Variants in RBFOX1 observed in about 807,000 individuals in gnomAD.
The protein encoded by RBFOX1 is RNA binding fox-1 homolog 1, also known as RNA binding protein fox-1 homolog 1.
Under a neutral mutation model 57.7 loss-of-function variants are expected in RBFOX1, and 8 were observed. The ratio of observed to expected loss-of-function variants is 0.14; its 90% confidence interval spans 0.08 to 0.25. The LOEUF (loss-of-function observed/expected upper bound fraction) is 0.25. Among genes scored for constraint, RBFOX1 ranks in the 10% least tolerant of loss-of-function variants. RBFOX1 has a pLI of 1.00. For synonymous variants in RBFOX1, 326 were observed against 222.4 expected, an observed-to-expected ratio of 1.47 and a Z score of -4.15; for missense variants, 611 against 548.5, an observed-to-expected ratio of 1.11 and a Z score of -1.14.
At chr16:5,783,024 A>T (rs976188271) in intron 3 of RBFOX1, among the ~76,000 whole-genome samples, 22 of 152,136 alleles carry the variant, frequency 1.4e-4, no homozygotes, top group Admixed American at 1.4e-3. Context: ...CATCCCCCCA[A>T]ACACCCTCAT....
Position 5,250,527 on chromosome 16 carries a change from G to C in RBFOX1, c.219+10422G>C, listed in dbSNP as rs187653158. Among the ~76,000 whole-genome samples the C allele has an allele frequency of 5.3e-4, 81 of 152,210 alleles. 1 individual carries two copies. The East Asian group carries it at 0.013, about 24-fold the overall frequency. On this transcript the variant is annotated intron_variant, in intron 1 of 2. Transcript: ENST00000585867. ...TATGAGTGAGAACACACAGTGTTTG[G>C]TTTTCTGTTCCTGTCCACACCTTTT... is the stretch of plus-strand genomic sequence containing the variant.
intron 3 of RBFOX1, among the ~76,000 whole-genome samples, chr16:5,609,274 G>T (rs909895047): frequency 6.6e-6 from 1 of 152,170 alleles, no homozygotes; most frequent in African/African-American, 2.4e-5. Context: ...TCATTTTACA[G>T]AAAGGAGAGC....
At chr16:7,303,422 C>T (rs746413991) in intron 4 of RBFOX1, among the ~76,000 whole-genome samples, 1 of 152,144 alleles carries the variant, frequency 6.6e-6, no homozygotes, top group African/African-American at 2.4e-5. Context: ...CCGCCACCAA[C>T]ATCTACCACT....
intron 1 of RBFOX1, among the ~76,000 whole-genome samples, chr16:6,134,766 C>T (rs1000322040): frequency 6.6e-6 from 1 of 151,760 alleles, no homozygotes; most frequent in Non-Finnish European, 1.5e-5. Context: ...CAATCTCCGC[C>T]TCCCGGGTTC....
At chr16:6,250,726 G>A (rs566472337) in intron 1 of RBFOX1, among the ~76,000 whole-genome samples, 5 of 152,190 alleles carry the variant, frequency 3.3e-5, no homozygotes, top group African/African-American at 9.6e-5. Flanking sequence ...AAACAGACCA[G>A]AGAACCAGGG....
At chr16:5,618,568 A>T (rs1445300002) in intron 3 of RBFOX1, among the ~76,000 whole-genome samples, 2 of 152,050 alleles carry the variant, frequency 1.3e-5, no homozygotes, top group African/African-American at 4.8e-5. Flanking sequence ...CGATCTCCTG[A>T]CCCTGTGATC....
At chr16:6,090,806 A>C (rs368365919) in intron 1 of RBFOX1, among the ~76,000 whole-genome samples, 212 of 152,302 alleles carry the variant, frequency 1.4e-3, no homozygotes, top group African/African-American at 4.8e-3. Context: ...TAAGCTGTAC[A>C]AATGTAGTCT....
At chr16:7,624,971 C>T (rs1219527811) in intron 10 of RBFOX1, among the ~76,000 whole-genome samples, 1 of 152,122 alleles carries the variant, frequency 6.6e-6, no homozygotes, top group Non-Finnish European at 1.5e-5. Context: ...GAACAGCTTC[C>T]CCATACAGAG....
intron 1 of RBFOX1, among the ~76,000 whole-genome samples, chr16:5,306,014 A>C (rs945883521): frequency 6.6e-6 from 1 of 152,206 alleles, no homozygotes; most frequent in Non-Finnish European, 1.5e-5. Context: ...CAATGTAGCA[A>C]GACTCCCACC....
chr16:5,800,761 G>C (rs577556445), intron 3 of RBFOX1, among the ~76,000 whole-genome samples: 4 of 152,244 alleles, frequency 2.6e-5, no homozygotes, highest in African/African-American at 9.6e-5. Context: ...TAACAGGGCC[G>C]CTCGGAAACC....
rs117393423 is a variant in RBFOX1, at chr16:6,548,037, G to T, written c.-63-106566G>T. Among the ~76,000 whole-genome samples the T allele has an allele frequency of 3.1e-4, 47 of 152,210 alleles. No homozygotes were observed. The East Asian group carries it at 5.8e-3, about 19-fold the overall frequency. ...ATCTATTTTCTTATTGACAAGCTCA[G>T]ACTATTCATCGTAGTAAGAATTGCA... is the stretch of plus-strand genomic sequence containing the variant. On this transcript the variant is annotated intron_variant, in intron 2 of 15. Coordinates refer to ENST00000550418, the MANE Select transcript of RBFOX1 (RefSeq NM_018723.4).
In RBFOX1 at chr16:5,530,933, T is replaced by TAAAAAAA. The variant is rs59311923; in HGVS notation, c.258+63715_258+63721dup. Reference sequence around the variant, plus strand: ...CGAAACCCTGTCTCTACTAAAAATATAAAAAAAAAAAAAAAAAAAAAAAAA... The same window carrying TAAAAAAA: ...CGAAACCCTGTCTCTACTAAAAATATAAAAAAAAAAAAAAAAAAAAAAAAAAAAAAAA... On this transcript the variant is annotated intron_variant, in intron 2 of 2. Transcript: ENST00000585867. Among the ~76,000 whole-genome samples, 62 of 55,038 alleles carry TAAAAAAA rather than the reference T, an allele frequency of 1.1e-3. 7 individuals are homozygous for TAAAAAAA. Among genetic ancestry groups the TAAAAAAA allele is most frequent in the Non-Finnish European group, 1.1e-3 (35 of 32,062 alleles). The allele number at this position is 55,038 out of a possible 152,430, so 36.1% of individuals were successfully genotyped here.
chr16:6,100,255 T>C (rs1036284427), intron 1 of RBFOX1, among the ~76,000 whole-genome samples: 2 of 152,078 alleles, frequency 1.3e-5, no homozygotes, highest in African/African-American at 4.8e-5. Flanking sequence ...CTCCGCCTTC[T>C]GGGTTCACGC....
At chr16:6,950,247 C>T (rs1461954129) in intron 3 of RBFOX1, among the ~76,000 whole-genome samples, 4 of 151,870 alleles carry the variant, frequency 2.6e-5, no homozygotes, top group East Asian at 1.9e-4. Flanking sequence ...CATGAGCCAC[C>T]ATGTCCGGCC....
At chr16:7,363,337 G>T (rs1348119865) in intron 4 of RBFOX1, among the ~76,000 whole-genome samples, 3 of 152,170 alleles carry the variant, frequency 2.0e-5, no homozygotes, top group Admixed American at 2.0e-4. Context: ...CTTACAACGT[G>T]TGAGACTTAA....
chr16:6,242,220 T>A (rs1197092881), intron 1 of RBFOX1, among the ~76,000 whole-genome samples: 2 of 152,130 alleles, frequency 1.3e-5, no homozygotes, highest in East Asian at 3.9e-4. Flanking sequence ...GACTGATAAG[T>A]ACATTCTCTC....
At chr16:5,870,544 A>G (rs1426471641) in intron 4 of RBFOX1, among the ~76,000 whole-genome samples, 1 of 152,084 alleles carries the variant, frequency 6.6e-6, no homozygotes, top group Non-Finnish European at 1.5e-5. Flanking sequence ...AACACTTTTG[A>G]TCAAAAATAG....
chr16:5,991,006 C>G (rs1288988602), intron 4 of RBFOX1, among the ~76,000 whole-genome samples: 4 of 152,058 alleles, frequency 2.6e-5, no homozygotes, highest in Admixed American at 2.6e-4. Context: ...GGTTATGCCT[C>G]CCATCAAGGT....
chr16:6,553,147 C>G (rs759592050), intron 2 of RBFOX1, among the ~76,000 whole-genome samples: 1 of 152,166 alleles, frequency 6.6e-6, no homozygotes, highest in African/African-American at 2.4e-5. Flanking sequence ...GAAGTCAGTT[C>G]TGTTAAACAG....
Sources: gnomAD v4.1 joint callset for allele counts (sites outside exome capture counted in the v4.1 genomes callset) on GRCh38, gnomAD v4.1.1 for gene constraint, MANE v1.5 for transcripts, NCBI Gene and HGNC (gene_info 2026-07-23, HGNC 2026-07-21) for gene names.